CDC14B: variants seen among roughly 807,000 people sequenced by gnomAD.
CDC14B encodes cell division cycle 14B.
A neutral mutation model predicts 64.2 loss-of-function variants in CDC14B; 22 were observed. The observed-to-expected ratio is 0.34, with a 90% CI of 0.24 to 0.49. The LOEUF is 0.49. Ranked by LOEUF, CDC14B falls within the 20% of genes least tolerant of loss-of-function variation. The pLI, the probability that CDC14B is intolerant of heterozygous loss-of-function variation, is 0.99. For missense variants in CDC14B, 498 were observed against 629.9 expected (o/e 0.79, Z 2.24); for synonymous variants, 191 against 215.8 (o/e 0.89, Z 1.01).
chr9:96,614,094 A>G (rs2119056131), intron 1 of CDC14B, among the ~76,000 whole-genome samples: 1 of 152,274 alleles, frequency 6.6e-6, no homozygotes, highest in South Asian at 2.1e-4. Flanking sequence ...TACTATTATA[A>G]TACAGACAGT....
intron 9 of CDC14B, among the ~76,000 whole-genome samples, chr9:96,531,750 G>T (rs1423678729): frequency 1.3e-5 from 2 of 152,082 alleles, no homozygotes; most frequent in African/African-American, 2.4e-5. Flanking sequence ...ATATTTGCAA[G>T]TTACAATAAC....
At chr9:96,581,505 A>T (rs975768936) in intron 1 of CDC14B, among the ~76,000 whole-genome samples, 165 of 136,490 alleles carry the variant, frequency 1.2e-3, no homozygotes, top group African/African-American at 5.7e-3. Flanking sequence ...TTAAATTTAA[A>T]AAATTAATTT....
At chr9:96,595,544 A>C (rs1389411581) in intron 1 of CDC14B, among the ~76,000 whole-genome samples, 5 of 152,220 alleles carry the variant, frequency 3.3e-5, no homozygotes, top group Non-Finnish European at 7.3e-5. Flanking sequence ...CACTATTCAT[A>C]ATAGCCTAAA....
intron 5 of CDC14B, among the ~76,000 whole-genome samples, 194 bp from the exon 6 acceptor site, chr9:96,542,086 T>C (rs1840138416): frequency 6.6e-6 from 1 of 152,236 alleles, no homozygotes; most frequent in Non-Finnish European, 1.5e-5. Flanking sequence ...CCTATTCCAA[T>C]AGGTACTGTT....
intron 5 of CDC14B, among the ~76,000 whole-genome samples, chr9:96,543,192 C>T (rs982861194): frequency 2.0e-5 from 3 of 151,910 alleles, no homozygotes; most frequent in African/African-American, 7.3e-5. Flanking sequence ...AAAAATGAGC[C>T]GGGCGTGGTG....
intron 1 of CDC14B, among the ~76,000 whole-genome samples, chr9:96,610,467 G>A (rs1169310017): frequency 6.6e-6 from 1 of 151,910 alleles, no homozygotes; most frequent in East Asian, 1.9e-4. Context: ...TAAAGTGCTG[G>A]GATTACAGGC....
chr9:96,573,766 G>A (rs1402535363), intron 1 of CDC14B, among the ~76,000 whole-genome samples: 1 of 152,116 alleles, frequency 6.6e-6, no homozygotes, highest in Non-Finnish European at 1.5e-5. Context: ...CATGTTACAT[G>A]TAATAAATTA....
intron 9 of CDC14B, among the ~76,000 whole-genome samples, chr9:96,530,431 A>ATTTTTTTTTTTTTTTTT (rs755667991): frequency 7.7e-6 from 1 of 129,544 alleles, no homozygotes; most frequent in Non-Finnish European, 1.7e-5. Flanking sequence ...CGCCCGGCTA[A>ATTTTTTTTTTTTTTTTT]TTTTTTTTTT....
intron 1 of CDC14B, among the ~76,000 whole-genome samples, chr9:96,605,980 A>G (rs566814004): frequency 1.3e-5 from 2 of 152,206 alleles, no homozygotes; most frequent in Non-Finnish European, 2.9e-5. Flanking sequence ...TCTAAAAAAT[A>G]GCTTTTATAG....
intron 6 of CDC14B, 58 bp downstream of exon 6, chr9:96,541,768 C>T: frequency 8.0e-7 from 1 of 1,244,456 alleles, no homozygotes; most frequent in Non-Finnish European, 1.1e-6. Flanking sequence ...GCCTAGTTTT[C>T]TTGGACCGCA....
intron 1 of CDC14B, among the ~76,000 whole-genome samples, chr9:96,606,579 T>TGTGTGTGTGTGTG (rs1846955059): frequency 1.2e-5 from 1 of 82,556 alleles, no homozygotes; most frequent in Non-Finnish European, 2.6e-5. Flanking sequence ...GTGTGTGTGT[T>TGTGTGTGTGTGTG]TCTGGAGATG....
intron 1 of CDC14B, among the ~76,000 whole-genome samples, chr9:96,585,217 T>TC (rs1845390520): frequency 6.6e-6 from 1 of 151,986 alleles, no homozygotes; most frequent in African/African-American, 2.4e-5. Flanking sequence ...AAGGCACTTT[T>TC]TTTTTTTTTA....
chr9:96,607,384 T>A (rs1847024204), intron 1 of CDC14B, among the ~76,000 whole-genome samples: 1 of 150,798 alleles, frequency 6.6e-6, no homozygotes, highest in Non-Finnish European at 1.5e-5. Flanking sequence ...GGAGCAAAGC[T>A]GTTATTCACT....
chr9:96,495,701 C>T (rs373780374), downstream of CDC14B, among the ~76,000 whole-genome samples: 7 of 152,192 alleles, frequency 4.6e-5, no homozygotes, highest in East Asian at 5.8e-4. Flanking sequence ...GAAATGGGAA[C>T]GCCGTGTGGC....
intron 1 of CDC14B, among the ~76,000 whole-genome samples, chr9:96,601,016 G>C (rs1846404411): frequency 6.6e-6 from 1 of 152,000 alleles, no homozygotes; most frequent in South Asian, 2.1e-4. Flanking sequence ...GTTTAGAAGT[G>C]TTTATGACAA....
chr9:96,588,833 G>A (rs1029929840), intron 1 of CDC14B, among the ~76,000 whole-genome samples: 40 of 152,118 alleles, frequency 2.6e-4, no homozygotes, highest in African/African-American at 9.2e-4. Context: ...TTTAGAAGAA[G>A]TCAGTAAAAA....
Position 96,534,545 on chromosome 9 carries a change from G to A in CDC14B, c.628-3C>T, listed in dbSNP as rs185514320. 7.4e-4 allele frequency: 1,187 copies of A among 1,600,870 alleles called. 2 individuals are homozygous for A. Among genetic ancestry groups the A allele is most frequent in the Non-Finnish European group, 8.0e-4 (930 of 1,168,136 alleles). On this transcript the variant is annotated splice_region_variant and splice_polypyrimidine_tract_variant and intron_variant, in intron 7 of 13. Transcript: ENST00000375241. ...TTTAAATCTCCATTTTCTGCTTTCT[G>A]CAAGGGGAAGACCAGCACAATTCGT...
In CDC14B at chr9:96,507,479, G is replaced by A. The variant is rs190720843; in HGVS notation, c.1460+2194C>T. ...TGCCCAGGCTAGAGTGCAATGGCGC[G>A]ATCTCAGCTCACTGCAACCTCCGCC... On this transcript the variant is annotated intron_variant, in intron 13 of 13. Coordinates refer to ENST00000375241, the MANE Select transcript of CDC14B (RefSeq NM_033331.4). Among the ~76,000 whole-genome samples, 946 of 151,000 alleles carry A rather than the reference G, an allele frequency of 6.3e-3. 10 individuals carry two copies. Among genetic ancestry groups the A allele is most frequent in the African/African-American group, 0.022 (899 of 41,102 alleles).
At chr9:96,520,465 C>T (rs1198271081) in intron 12 of CDC14B, among the ~76,000 whole-genome samples, 1 of 152,154 alleles carries the variant, frequency 6.6e-6, no homozygotes, top group Admixed American at 6.6e-5. Flanking sequence ...GTTGCCTCAG[C>T]CTCCCGCATA....
Sources: allele counts gnomAD v4.1 joint callset (sites outside exome capture counted in the v4.1 genomes callset), GRCh38; gene constraint gnomAD v4.1.1; transcripts MANE v1.5; gene names NCBI Gene and HGNC (gene_info 2026-07-23, HGNC 2026-07-21).